BNC2: variants seen among roughly 807,000 people sequenced by gnomAD.
The protein encoded by BNC2 is zinc finger protein basonuclin-2.
In BNC2, 20 loss-of-function variants were observed where a neutral mutation model predicts 76.3. That is an observed-to-expected ratio of 0.26 (90% CI 0.18 to 0.38). BNC2 has a LOEUF of 0.38. BNC2 is among the 10% of genes least tolerant of loss of function. The probability of loss-of-function intolerance (pLI) is 1.00; values close to 1 mark genes in which losing one functional copy is unlikely to be tolerated. For missense variants in BNC2, 1,382 were observed against 1,399.8 expected, an observed-to-expected ratio of 0.99 and a Z score of 0.20; for synonymous variants, 582 against 514.8, an observed-to-expected ratio of 1.13 and a Z score of -1.77.
chr9:16,727,995 T>A lies in BNC2; in HGVS notation c.132A>T (p.Ser44=). ...CCGVDTSQIE[S]EEAEVDVRER... ...CTCTCACATCCACTTCTGCCTCTTC[T>A]GACTGAAAAGTGAAGGTGGATTTTT... Residue 44 remains serine, a splice_region_variant and synonymous_variant, in exon 3 of 7, where the codon TCA becomes TCT. Transcript: ENST00000380672. The A allele has an allele frequency of 6.2e-7, 1 of 1,613,332 alleles. No homozygotes were observed. The highest frequency in any genetic ancestry group is 1.1e-5 in the South Asian group (1 of 91,060).
At chr9:16,861,995 CAA>C (rs547045231) in intron 1 of BNC2, among the ~76,000 whole-genome samples, 3 of 123,380 alleles carry the variant, frequency 2.4e-5, no homozygotes, top group Admixed American at 8.1e-5. Context: ...TCTCAAAAGA[CAA>C]AAAAAAAAAA....
chr9:16,576,376 T>C (rs974860218), intron 4 of BNC2, among the ~76,000 whole-genome samples: 18 of 152,168 alleles, frequency 1.2e-4, no homozygotes, highest in African/African-American at 3.4e-4. Flanking sequence ...ATTCTTATGA[T>C]AAAGGAATTT....
chr9:16,777,957 C>G (rs981115448), intron 1 of BNC2, among the ~76,000 whole-genome samples: 4 of 151,990 alleles, frequency 2.6e-5, no homozygotes, highest in African/African-American at 9.7e-5. Flanking sequence ...AGCAATTAAA[C>G]AAAACACATA....
At chr9:16,543,398 G>A (rs1818383506) in intron 5 of BNC2, among the ~76,000 whole-genome samples, 1 of 152,130 alleles carries the variant, frequency 6.6e-6, no homozygotes, top group African/African-American at 2.4e-5. Context: ...CTGCTCAGGA[G>A]ATCATATGAT....
rs1188831320 is a variant in BNC2, at chr9:16,793,868, G to GTT, written c.4-55385_4-55384dup. ...TGTTTTTTGTGGTTTTTGTTTTTTT[G>GTT]TTTTTTTTTTTTTTTAGTAGAGACG... On this transcript the variant is annotated intron_variant, in intron 1 of 6. Coordinates refer to ENST00000380672, the MANE Select transcript of BNC2 (RefSeq NM_017637.6). Among the ~76,000 whole-genome samples, 62 of 115,906 alleles carry GTT rather than the reference G, an allele frequency of 5.3e-4. 1 individual carries two copies. Among genetic ancestry groups the GTT allele is most frequent in the African/African-American group, 2.0e-3 (55 of 27,868 alleles). 76.0% of individuals were successfully genotyped at this position (115,906 alleles called of 152,430 possible).
chr9:16,685,691 C>A (rs1361440408), intron 3 of BNC2: 2 of 1,132,880 alleles, frequency 1.8e-6, no homozygotes, highest in African/African-American at 3.2e-5. Context: ...CACACAGTCA[C>A]ACTTGACCCA....
intron 5 of BNC2, among the ~76,000 whole-genome samples, chr9:16,494,421 G>C (rs538504901): frequency 6.6e-6 from 1 of 152,120 alleles, no homozygotes; most frequent in Admixed American, 6.5e-5. Context: ...AAAGTGCTGA[G>C]ATTACAGGCA....
At chr9:16,792,887 A>T (rs2135679244) in intron 1 of BNC2, among the ~76,000 whole-genome samples, 1 of 152,358 alleles carries the variant, frequency 6.6e-6, no homozygotes, top group Non-Finnish European at 1.5e-5. Context: ...ATAAGGATGT[A>T]TGATACAAAA....
chr9:16,559,929 T>C (rs546998579), intron 4 of BNC2, among the ~76,000 whole-genome samples: 4 of 152,162 alleles, frequency 2.6e-5, no homozygotes, highest in South Asian at 2.1e-4. Context: ...TAAAAAAGAT[T>C]TGACAAAGTA....
intron 5 of BNC2, among the ~76,000 whole-genome samples, chr9:16,471,785 G>GC: frequency 6.6e-6 from 1 of 152,184 alleles, no homozygotes; most frequent in Middle Eastern, 3.4e-3. Context: ...ATATGGTTTG[G>GC]CTGTGTCCCC....
chr9:16,683,603 A>G (rs374329920), intron 3 of BNC2, among the ~76,000 whole-genome samples: 1 of 152,238 alleles, frequency 6.6e-6, no homozygotes. Context: ...CTAGGAAAAA[A>G]TTTAAAAAGG....
At chr9:16,808,913 A>C (rs190786438) in intron 1 of BNC2, among the ~76,000 whole-genome samples, 25 of 152,114 alleles carry the variant, frequency 1.6e-4, no homozygotes, top group African/African-American at 5.3e-4. Context: ...CAGACCAAAA[A>C]ACAGAGGTAC....
chr9:16,837,377 G>A (rs755668057), intron 1 of BNC2, among the ~76,000 whole-genome samples: 15 of 152,188 alleles, frequency 9.9e-5, no homozygotes, highest in Admixed American at 2.6e-4. Context: ...GGTGGCAGGC[G>A]CCTGTAATCC....
intron 1 of BNC2, among the ~76,000 whole-genome samples, chr9:16,865,645 G>A (rs1467103192): frequency 6.6e-6 from 1 of 152,008 alleles, no homozygotes; most frequent in Non-Finnish European, 1.5e-5. Context: ...AAATCACCAA[G>A]AGAAAAATAC....
In BNC2 at chr9:16,641,054, C is replaced by G. The variant is rs538979742; in HGVS notation, c.331-57969G>C. ...CAGAACAAGACCTTAGAAATGCTCACAGAGAAATGCATGAGAATTACTGGA... is the reference window on the plus strand; with the variant it reads ...CAGAACAAGACCTTAGAAATGCTCAGAGAGAAATGCATGAGAATTACTGGA... On this transcript the variant is annotated intron_variant, in intron 3 of 6. Transcript: ENST00000380672. 1.7e-4 allele frequency among the ~76,000 whole-genome samples: 26 copies of G among 152,184 alleles called. No homozygotes were observed. The South Asian group carries it at 5.2e-3, about 30-fold the overall frequency.
chr9:16,827,964 T>A (rs1352645769), intron 1 of BNC2, among the ~76,000 whole-genome samples: 1 of 152,238 alleles, frequency 6.6e-6, no homozygotes, highest in East Asian at 1.9e-4. Flanking sequence ...ATGGCAGTGC[T>A]TTATAGAATT....
At chr9:16,654,178 T>C (rs577509155) in intron 3 of BNC2, among the ~76,000 whole-genome samples, 16 of 152,262 alleles carry the variant, frequency 1.1e-4, no homozygotes, top group Admixed American at 3.9e-4. Context: ...GCAACTACAG[T>C]AGAAATTGTA....
chr9:16,440,965 C>A (rs73415426), intron 5 of BNC2, among the ~76,000 whole-genome samples: 2 of 152,128 alleles, frequency 1.3e-5, no homozygotes, highest in South Asian at 2.1e-4. Flanking sequence ...GACTTAAGAA[C>A]GGGACACATA....
At chr9:16,561,386 G>A (rs1160224482) in intron 4 of BNC2, among the ~76,000 whole-genome samples, 1 of 152,088 alleles carries the variant, frequency 6.6e-6, no homozygotes, top group East Asian at 1.9e-4. Context: ...GGGCATTTTT[G>A]CATTACTCCA....
Sources: gnomAD v4.1 joint callset for allele counts (sites outside exome capture counted in the v4.1 genomes callset) on GRCh38, gnomAD v4.1.1 for gene constraint, MANE v1.5 for transcripts, NCBI Gene and HGNC (gene_info 2026-07-23, HGNC 2026-07-21) for gene names.